The following TNN variants were observed in gnomAD, a reference collection of about 807,000 sequenced individuals.
TNN encodes the protein tenascin N.
TNN carries 122 observed loss-of-function variants against 134.4 expected under a neutral mutation model. The ratio of observed to expected loss-of-function variants is 0.91; its 90% CI spans 0.78 to 1.06. TNN has a LOEUF of 1.06. Among genes scored for constraint, TNN ranks in the 50% least tolerant of loss-of-function variants. The pLI, the probability that TNN is intolerant of heterozygous loss-of-function variation, is 0.00. For synonymous variants in TNN, 710 were observed against 670.3 expected, an observed-to-expected ratio of 1.06 and a Z score of -0.91; for missense variants, 1,739 against 1,699.4, an observed-to-expected ratio of 1.02 and a Z score of -0.41.
chr1:175,090,363 A>T (rs945621654), intron 6 of TNN, among the ~76,000 whole-genome samples: 1 of 152,234 alleles, frequency 6.6e-6, no homozygotes, highest in Non-Finnish European at 1.5e-5. Context: ...AGGTCTGTGA[A>T]AACAAGAGTA....
chr1:175,132,897 C>G (rs566352876), intron 15 of TNN, among the ~76,000 whole-genome samples: 1 of 152,156 alleles, frequency 6.6e-6, no homozygotes, highest in Non-Finnish European at 1.5e-5. Context: ...TCTCTCTTCC[C>G]GGAGAAAAAT....
rs183395208 is a variant in TNN, at chr1:175,087,922, C to A, written c.1324+2428C>A. Among the ~76,000 whole-genome samples, 70 of 152,244 alleles carry A rather than the reference C, an allele frequency of 4.6e-4. 1 individual carries two copies. The East Asian group carries it at 0.01, about 23-fold the overall frequency. On this transcript the variant is annotated intron_variant, in intron 6 of 18. Coordinates refer to ENST00000239462, the MANE Select transcript of TNN (RefSeq NM_022093.2). Reference sequence around the variant, plus strand: ...CAGGGAAACACTTTACTTACGTTTACCTATTTAGTATAATAAAGAATATTA... The same window carrying A: ...CAGGGAAACACTTTACTTACGTTTAACTATTTAGTATAATAAAGAATATTA...
At chr1:175,146,282 G>A (rs902882951) in intron 18 of TNN, among the ~76,000 whole-genome samples, 4 of 152,156 alleles carry the variant, frequency 2.6e-5, no homozygotes, top group African/African-American at 7.2e-5. Flanking sequence ...TGTTTAATGC[G>A]CTTTTCACAG....
At position 175,125,575 on chromosome 1, in the gene TNN, C is replaced by T. The variant is rs1296186267; in HGVS notation, c.2915-1380C>T. On this transcript the variant is annotated intron_variant, in intron 12 of 18. Coordinates refer to ENST00000239462, the MANE Select transcript of TNN (RefSeq NM_022093.2). The stretch of plus-strand genomic sequence containing the variant: ...TTCCTTTCTTCTCTTTTCCTTCCTT[C>T]TCTCTCTCTCCCTCTTTCTTTCTCT... Among the ~76,000 whole-genome samples, 4 of 147,160 alleles carry T rather than the reference C, an allele frequency of 2.7e-5. No homozygotes were observed. The Admixed American group carries it at 2.7e-4, about 10-fold the overall frequency.
In TNN at chr1:175,079,602, G is replaced by A. The variant is rs1674144279; in HGVS notation, c.679G>A (p.Asp227Asn). ...CQCHEDFMSE[D>N]CSEKRCPGDC... is the part of the protein sequence containing the mutation. ...GTGCCACGAAGACTTCATGTCGGAG[G>A]ACTGCAGCGAGAAGCGCTGTCCCGG... The change falls in exon 3 of 19, where the codon GAC becomes AAC. Residue 227 changes from aspartate (D) to asparagine (N), a missense_variant. Asp to Asn is a conservative substitution (Grantham distance 23). Coordinates refer to ENST00000239462, the MANE Select transcript of TNN (RefSeq NM_022093.2). 1 of 1,596,814 alleles carries A rather than the reference G, an allele frequency of 6.3e-7. No homozygotes were observed. Among genetic ancestry groups the A allele is most frequent in the Admixed American group, 1.7e-5 (1 of 57,944 alleles).
At chr1:175,068,938 CA>C (rs537354727) in intron 1 of TNN, among the ~76,000 whole-genome samples, 5 of 151,616 alleles carry the variant, frequency 3.3e-5, no homozygotes, top group South Asian at 2.1e-4. Flanking sequence ...AGCAAACAAA[CA>C]AAAAAAACTA....
Position 175,094,172 on chromosome 1 carries a change from C to T in TNN, c.1507C>T (p.Pro503Ser). The change falls in exon 7 of 19, where the codon CCA becomes TCA. Residue 503 changes from proline to serine, a missense_variant. Physicochemically the swap from Pro to Ser is moderately conservative, Grantham distance 74 (BLOSUM62 -1). Transcript: ENST00000239462. ...CAGCACTGTCCTGACGGGCCTGAAG[C>T]CAGGAGAGGCATACAAGGTCTACGT... ...ESSTVLTGLK[P>S]GEAYKVYVWA... 6.2e-7 allele frequency: 1 copy of T among 1,614,048 alleles called. No individual in the cohort carries two copies. The highest frequency in any genetic ancestry group is 8.5e-7 in the Non-Finnish European group (1 of 1,179,984).
At chr1:175,085,799 G>A (rs543982796) in intron 6 of TNN, among the ~76,000 whole-genome samples, 97 of 151,186 alleles carry the variant, frequency 6.4e-4, no homozygotes, top group Admixed American at 3.4e-3. Context: ...GCTTGAGCCC[G>A]GGAGGTGGAG....
intron 1 of TNN, among the ~76,000 whole-genome samples, chr1:175,074,592 G>A (rs1326837251): frequency 6.6e-6 from 1 of 152,014 alleles, no homozygotes; most frequent in Non-Finnish European, 1.5e-5. Flanking sequence ...TCCATCTGCC[G>A]GGTGTTGAGT....
chr1:175,085,371 G>A (rs1422648670), intron 5 of TNN, 34 bp from the exon 6 acceptor site: 1 of 1,387,088 alleles, frequency 7.2e-7, no homozygotes, highest in East Asian at 2.3e-5. Flanking sequence ...TCTGGAGCCT[G>A]CACTCACATC....
rs1293788504 is a variant in TNN, at chr1:175,079,506, G to A, written c.583G>A (p.Ala195Thr). ...RCLCHEPYVGADCGYPACPEN... is the reference protein window; with the variant it reads ...RCLCHEPYVGTDCGYPACPEN... ...CCTGTGCCATGAGCCCTACGTGGGT[G>A]CCGACTGCGGCTACCCGGCCTGCCC... The change falls in exon 3 of 19, where the codon GCC becomes ACC. Residue 195 changes from alanine (A) to threonine (T), a missense_variant. Ala to Thr is a moderately conservative substitution (Grantham distance 58, BLOSUM62 0). Transcript: ENST00000239462. 1 of 1,561,294 alleles carries A rather than the reference G, an allele frequency of 6.4e-7. No homozygotes were observed. The highest frequency in any genetic ancestry group is 8.7e-7 in the Non-Finnish European group (1 of 1,154,280).
intron 9 of TNN, among the ~76,000 whole-genome samples, chr1:175,100,601 G>A (rs765466415): frequency 6.6e-6 from 1 of 152,180 alleles, no homozygotes; most frequent in African/African-American, 2.4e-5. Flanking sequence ...CCATTTTCTT[G>A]GGGTTACAGC....
At chr1:175,118,432 T>G in intron 10 of TNN, 129 bp from the exon 11 acceptor site, 2 of 1,162,224 alleles carry the variant, frequency 1.7e-6, no homozygotes, top group Non-Finnish European at 2.4e-6. Context: ...CAGCTAAAAA[T>G]GAAACAAGAG....
Position 175,080,240 on chromosome 1 carries a change from G to A in TNN, c.862G>A (p.Val288Met), listed in dbSNP as rs746344211. 25 of 1,614,002 alleles carry A rather than the reference G, an allele frequency of 1.5e-5. No homozygotes were observed. In the South Asian group the frequency reaches 2.6e-4, roughly 17 times the overall value. ...GGTGAGCTGGGAGCCCTCCAGCCAGGTGGATCACTACCTCCTCAGCTACTA... is the reference window on the plus strand; with the variant it reads ...GGTGAGCTGGGAGCCCTCCAGCCAGATGGATCACTACCTCCTCAGCTACTA... ...LLVSWEPSSQ[V>M]DHYLLSYYPL... The change falls in exon 4 of 19, where the codon GTG becomes ATG. Residue 288 changes from valine to methionine, a missense_variant. Physicochemically the swap from Val to Met is conservative, Grantham distance 21. Coordinates refer to ENST00000239462, the MANE Select transcript of TNN (RefSeq NM_022093.2).
intron 9 of TNN, among the ~76,000 whole-genome samples, chr1:175,113,778 A>G (rs1398014191): frequency 6.6e-6 from 1 of 150,792 alleles, no homozygotes; most frequent in Non-Finnish European, 1.5e-5. Flanking sequence ...TCTTTCTCTC[A>G]CTGGGTAATG....
intron 1 of TNN, among the ~76,000 whole-genome samples, chr1:175,070,681 T>C (rs1026488754): frequency 3.3e-5 from 5 of 152,254 alleles, no homozygotes; most frequent in Non-Finnish European, 7.3e-5. Context: ...AATGTTTGTA[T>C]GTACTTGCTT....
At chr1:175,076,455 T>C (rs1574138560) in intron 1 of TNN, among the ~76,000 whole-genome samples, 1 of 152,202 alleles carries the variant, frequency 6.6e-6, no homozygotes, top group East Asian at 1.9e-4. Context: ...CAAGAGTAAC[T>C]GTAACACCAG....
rs562236774 is a variant in TNN, at chr1:175,074,158, C to A, written c.-35-3226C>A. The stretch of plus-strand genomic sequence containing the variant: ...ATTCACCGTGACCCCACCCCCAACC[C>A]CCAAACCTCCAGTGGCACACTGTCT... On this transcript the variant is annotated intron_variant, in intron 1 of 18. Coordinates refer to ENST00000239462, the MANE Select transcript of TNN (RefSeq NM_022093.2). Among the ~76,000 whole-genome samples, 3 of 152,222 alleles carry A rather than the reference C, an allele frequency of 2.0e-5. No individual in the cohort carries two copies. The South Asian group carries it at 6.2e-4, about 32-fold the overall frequency.
chr1:175,129,797 G>C (rs563750451), intron 15 of TNN, among the ~76,000 whole-genome samples: 29 of 152,224 alleles, frequency 1.9e-4, no homozygotes, highest in Admixed American at 5.2e-4. Context: ...TCCAAGATGC[G>C]AATGCATAGC....
Sources: allele counts gnomAD v4.1 joint callset (sites outside exome capture counted in the v4.1 genomes callset), GRCh38; gene constraint gnomAD v4.1.1; transcripts MANE v1.5; gene names NCBI Gene and HGNC (gene_info 2026-07-23, HGNC 2026-07-21).